The following DMGDH variants were observed in gnomAD, a reference collection of about 807,000 sequenced individuals.
DMGDH encodes dimethylglycine dehydrogenase, also known as dimethylglycine dehydrogenase, mitochondrial.
DMGDH carries 76 observed loss-of-function variants against 95.2 expected under a neutral mutation model. That is an observed-to-expected ratio of 0.80 (90% confidence interval 0.66 to 0.97). The LOEUF is 0.97. Among genes scored for constraint, DMGDH ranks in the 50% least tolerant of loss-of-function variants. The pLI is 0.00. For missense variants in DMGDH, 987 were observed against 1,055.0 expected (o/e 0.94, Z 0.89); for synonymous variants, 345 against 377.6 (o/e 0.91, Z 1.00).
chr5:78,998,391 T>A (rs1753396937), intron 15 of DMGDH, 94 bp from the exon 16 acceptor site: 1 of 1,272,168 alleles, frequency 7.9e-7, no homozygotes, highest in Non-Finnish European at 1.1e-6. Context: ...AGATTCAACT[T>A]ACAAAATGGA....
At chr5:79,030,704 G>C (rs1030380086) in intron 10 of DMGDH, 129 bp downstream of exon 10, 18 of 798,962 alleles carry the variant, frequency 2.3e-5, no homozygotes, top group Non-Finnish European at 3.4e-5. Flanking sequence ...TTGTATACTT[G>C]TATACTTTTG....
chr5:79,030,772 A>T (rs1380026256), intron 10 of DMGDH, 61 bp downstream of exon 10: 13 of 1,569,434 alleles, frequency 8.3e-6, no homozygotes, highest in East Asian at 2.2e-5. Flanking sequence ...AAAATAACAT[A>T]TGGGATGAAG....
chr5:79,047,475 G>A (rs1754713066), intron 5 of DMGDH, among the ~76,000 whole-genome samples: 1 of 152,068 alleles, frequency 6.6e-6, no homozygotes, highest in South Asian at 2.1e-4. Context: ...TGCCATGTTA[G>A]GAAAATTCTT....
intron 4 of DMGDH, among the ~76,000 whole-genome samples, chr5:79,052,079 G>T (rs750545963): frequency 6.6e-5 from 10 of 152,250 alleles, no homozygotes; most frequent in Middle Eastern, 3.4e-3. Context: ...GTGTAGTTTT[G>T]TCCTTTATTC....
intron 14 of DMGDH, among the ~76,000 whole-genome samples, chr5:79,009,523 C>T (rs1753610250): frequency 6.6e-6 from 1 of 152,046 alleles, no homozygotes; most frequent in South Asian, 2.1e-4. Context: ...CCAGGCCTTG[C>T]TAATTTCTGT....
Position 79,066,838 on chromosome 5 carries a change from T to A in DMGDH, c.101+2682A>T, listed in dbSNP as rs893277311. 6.6e-5 allele frequency among the ~76,000 whole-genome samples: 10 copies of A among 152,182 alleles called. No individual in the cohort carries two copies. The South Asian group carries it at 1.4e-3, about 22-fold the overall frequency. On this transcript the variant is annotated intron_variant, in intron 1 of 15. Transcript: ENST00000255189. ...TCTAGTAAAGCTACCATTTTTTCCT[T>A]TGTATAAGTAATAATGTGAAGTGTT...
At chr5:79,051,541 C>T (rs920990462) in intron 4 of DMGDH, 50 bp from the exon 5 acceptor site, 12 of 1,510,764 alleles carry the variant, frequency 7.9e-6, no homozygotes, top group Non-Finnish European at 1.0e-5. Flanking sequence ...ATACTTATTA[C>T]TCAGTAAAAA....
intron 15 of DMGDH, among the ~76,000 whole-genome samples, chr5:79,003,725 G>A (rs1051994639): frequency 7.2e-5 from 11 of 152,158 alleles, no homozygotes; most frequent in African/African-American, 2.7e-4. Context: ...CAAGGTGGGT[G>A]TATCACCTGG....
rs990896878 is a variant in DMGDH, at chr5:79,065,283, A to T, written c.102-1496T>A. Among the ~76,000 whole-genome samples, 49 of 140,148 alleles carry T rather than the reference A, an allele frequency of 3.5e-4. No homozygotes were observed. In the Admixed American group the frequency reaches 3.7e-3, roughly 11 times the overall value. The allele number at this position is 140,148 out of a possible 152,430, so 91.9% of individuals were successfully genotyped here. On this transcript the variant is annotated intron_variant, in intron 1 of 15. Transcript: ENST00000255189. ...ACCCAGGCTGGAGTGCAGTGGCGCC[A>T]TCTTTGCAAATTCCACCCCCAAGGT...
chr5:79,069,201 T>C (rs914193780), intron 1 of DMGDH, among the ~76,000 whole-genome samples: 3 of 152,102 alleles, frequency 2.0e-5, no homozygotes, highest in African/African-American at 7.2e-5. Flanking sequence ...ATATTGATAA[T>C]TGTAAAAAGC....
At chr5:79,019,816 C>T (rs1015953270) in intron 14 of DMGDH, among the ~76,000 whole-genome samples, 1 of 152,024 alleles carries the variant, frequency 6.6e-6, no homozygotes. Flanking sequence ...ACCTGGGAGG[C>T]GAAGGTTGTA....
chr5:79,056,059 A>G (rs1755024070), intron 2 of DMGDH, 151 bp from the exon 3 acceptor site: 2 of 633,836 alleles, frequency 3.2e-6, no homozygotes, highest in Non-Finnish European at 2.8e-6. Context: ...CACCAGTTTG[A>G]GCACACCAGA....
In DMGDH at chr5:79,063,627, A is replaced by G. The variant is rs766995212; in HGVS notation, c.262T>C (p.Ser88Pro). The stretch of plus-strand genomic sequence containing the variant: ...GCTTTTCTTACTGCGTGCCAGGTAG[A>G]TCCAGCCGTGAGCTCTGATTTCTCC... ...LLEKSELTAG[S>P]TWHAAGLTTY... Residue 88 changes from serine (S) to proline (P), a missense_variant, in exon 2 of 16, where the codon TCT becomes CCT. Coordinates refer to ENST00000255189, the MANE Select transcript of DMGDH (RefSeq NM_013391.3). 3.1e-6 allele frequency: 5 copies of G among 1,614,158 alleles called. No homozygotes were observed. In the South Asian group the frequency reaches 4.4e-5, roughly 14 times the overall value.
intron 7 of DMGDH, among the ~76,000 whole-genome samples, chr5:79,041,981 C>T (rs375595117): frequency 2.6e-5 from 4 of 151,940 alleles, no homozygotes; most frequent in East Asian, 3.9e-4. Flanking sequence ...GCCTGGGCAA[C>T]GAGAGCAAAA....
chr5:79,020,365 T>G (rs2034899), intron 14 of DMGDH, among the ~76,000 whole-genome samples: 50,333 of 152,106 alleles, frequency 0.33, 9,100 homozygotes, highest in African/African-American at 0.48. Context: ...TTATTACCAT[T>G]TACCTCAAAT....
intron 13 of DMGDH, among the ~76,000 whole-genome samples, chr5:79,025,607 G>A (rs1753978081): frequency 6.6e-6 from 1 of 152,194 alleles, no homozygotes; most frequent in Non-Finnish European, 1.5e-5. Context: ...AGAAGTTCTG[G>A]AGGGTTAAGC....
At chr5:79,056,578 G>C (rs1755035972) in intron 2 of DMGDH, among the ~76,000 whole-genome samples, 1 of 150,458 alleles carries the variant, frequency 6.6e-6, no homozygotes, top group South Asian at 2.1e-4. Flanking sequence ...GGGAGGCCAG[G>C]CGTGGTGGCT....
intron 5 of DMGDH, 54 bp from the exon 6 acceptor site, chr5:79,044,606 A>T: frequency 6.3e-7 from 1 of 1,589,364 alleles, no homozygotes; most frequent in Non-Finnish European, 8.6e-7. Context: ...CACATAACTG[A>T]CACTCATATA....
chr5:79,052,716 G>A (rs1442986983), intron 4 of DMGDH, among the ~76,000 whole-genome samples: 4 of 152,204 alleles, frequency 2.6e-5, no homozygotes, highest in African/African-American at 7.2e-5. Flanking sequence ...AAGCATTCAG[G>A]ATTGACATAT....
Sources: allele counts gnomAD v4.1 joint callset (sites outside exome capture counted in the v4.1 genomes callset), GRCh38; gene constraint gnomAD v4.1.1; transcripts MANE v1.5; gene names NCBI Gene and HGNC (gene_info 2026-07-23, HGNC 2026-07-21).